The following CENPF variants were observed in gnomAD, a reference collection of about 807,000 sequenced individuals.
The protein encoded by CENPF is AH antigen.
CENPF carries 214 observed loss-of-function variants against 307.3 expected under a neutral mutation model. That is an observed-to-expected ratio of 0.70 (90% CI 0.62 to 0.78). The LOEUF is 0.78. Ranked by LOEUF, CENPF falls within the 30% of genes least tolerant of loss-of-function variation. The pLI, the probability that CENPF is intolerant of heterozygous loss-of-function variation, is 0.00. For synonymous variants in CENPF, 1,259 were observed against 1,270.6 expected, an observed-to-expected ratio of 0.99 and a Z score of 0.19; for missense variants, 3,401 against 3,483.9, an observed-to-expected ratio of 0.98 and a Z score of 0.60.
chr1:214,619,809 C>T (rs1311298773), intron 5 of CENPF, among the ~76,000 whole-genome samples: 1 of 152,118 alleles, frequency 6.6e-6, no homozygotes, highest in Non-Finnish European at 1.5e-5. Context: ...AATTTTTATT[C>T]TTTTCATGAC....
intron 8 of CENPF, among the ~76,000 whole-genome samples, chr1:214,629,438 G>A (rs1028732257): frequency 1.3e-5 from 2 of 152,124 alleles, no homozygotes; most frequent in Non-Finnish European, 2.9e-5. Flanking sequence ...ATATTCAGTA[G>A]GAAAGGATCA....
intron 7 of CENPF, 55 bp from the exon 8 acceptor site, chr1:214,628,991 G>A: frequency 7.5e-7 from 1 of 1,332,040 alleles, no homozygotes; most frequent in African/African-American, 1.5e-5. Flanking sequence ...CAAAATATTT[G>A]TTCATTTATG....
rs200151949 is a variant in CENPF at position 214,642,686 on chromosome 1, T to A, written c.4348T>A (p.Ser1450Thr). 2.5e-4 allele frequency: 396 copies of A among 1,614,038 alleles called. No individual in the cohort carries two copies. Among genetic ancestry groups the A allele is most frequent in the Non-Finnish European group, 3.1e-4 (360 of 1,180,042 alleles). ...DSLKAENLVL[S>T]TNLRNFQGDL... ...ATTAAAGGCCGAAAATTTGGTCTTG[T>A]CAACGAATCTGAGAAACTTTCAAGG... Residue 1450 changes from serine (S) to threonine (T), a missense_variant, in exon 12 of 20, where the codon TCA becomes ACA. Transcript: ENST00000366955.
At chr1:214,620,589 C>A in intron 5 of CENPF, 66 bp from the exon 6 acceptor site, 1 of 1,463,366 alleles carries the variant, frequency 6.8e-7, no homozygotes. Context: ...TATATTCTAT[C>A]TGAAAATAAA....
In CENPF at chr1:214,645,704, A is replaced by C. The variant is rs1238222163; in HGVS notation, c.6134A>C (p.Gln2045Pro). 3 of 1,614,232 alleles carry C rather than the reference A, an allele frequency of 1.9e-6. No individual in the cohort carries two copies. The East Asian group carries it at 6.7e-5, about 36-fold the overall frequency. The change falls in exon 13 of 20, where the codon CAG (glutamine) becomes CCG (proline). Residue 2045 changes from glutamine to proline, a missense_variant. By Grantham distance (76) the Gln-to-Pro change is moderately conservative. Transcript: ENST00000366955. ...CTGCAGAGTTTGGAAAAGGACTCACAGGCACTGTCTTTGACAAAATGTGAG... is the reference window on the plus strand; with the variant it reads ...CTGCAGAGTTTGGAAAAGGACTCACCGGCACTGTCTTTGACAAAATGTGAG... ...EKLQSLEKDS[Q>P]ALSLTKCELE...
chr1:214,654,656 C>CT (rs1005230059), intron 16 of CENPF, among the ~76,000 whole-genome samples: 67 of 151,050 alleles, frequency 4.4e-4, no homozygotes, highest in African/African-American at 1.1e-3. Flanking sequence ...TTTCATAGCT[C>CT]TTTTTTTTTG....
At position 214,630,699 on chromosome 1, in the gene CENPF, C is replaced by A. The variant is rs781142509; in HGVS notation, c.1323+37C>A. ...GTCTCTCTCTCTCTCCTTAATCATC[C>A]CCTCTTGTTCCTTGTACTTGTTACT... is the stretch of plus-strand genomic sequence containing the variant. On this transcript the variant is annotated intron_variant, in intron 9 of 19. Transcript: ENST00000366955. The A allele has an allele frequency of 6.8e-6, 11 of 1,606,910 alleles. No homozygotes were observed. The South Asian group carries it at 7.8e-5, about 11-fold the overall frequency.
In CENPF at chr1:214,645,327, C is replaced by T; in HGVS notation, c.5757C>T (p.Leu1919=). 6.2e-7 allele frequency: 1 copy of T among 1,614,084 alleles called. No individual in the cohort carries two copies. The highest frequency in any genetic ancestry group is 8.5e-7 in the Non-Finnish European group (1 of 1,180,000). ...AAGCTAGCATTGAGCATGAAGCCCT[C>T]TACCTGGAGGCTGACTTAGAGGTAG... The part of the protein sequence containing the change: ...SEKASIEHEA[L]YLEADLEVVQ... Residue 1919 remains leucine (L), a synonymous_variant, in exon 13 of 20, where the codon CTC becomes CTT. Transcript: ENST00000366955.
intron 9 of CENPF, 44 bp from the exon 10 acceptor site, chr1:214,632,431 AAAAGT>A: frequency 6.3e-7 from 1 of 1,585,828 alleles, no homozygotes; most frequent in Non-Finnish European, 8.6e-7. Context: ...TGATTAATGA[AAAAGT>A]AAAGAACATG....
intron 6 of CENPF, 98 bp from the exon 7 acceptor site, chr1:214,621,981 G>C: frequency 1.0e-6 from 1 of 963,308 alleles, no homozygotes; most frequent in South Asian, 1.8e-5. Context: ...TATTTGTTTC[G>C]TCAAAGATTT....
At position 214,645,026 on chromosome 1, in the gene CENPF, T is replaced by TGACCAAAATTGAAGCATGCATA; in HGVS notation, c.5459_5480dup (p.Glu1827AspfsTer4). 2.5e-6 allele frequency: 4 copies of TGACCAAAATTGAAGCATGCATA among 1,613,744 alleles called. No homozygotes were observed. Among genetic ancestry groups the TGACCAAAATTGAAGCATGCATA allele is most frequent in the Non-Finnish European group, 3.4e-6 (4 of 1,179,950 alleles). ...CTCCATTTACAGGAGGTACAACTAA[T>TGACCAAAATTGAAGCATGCATA]GACCAAAATTGAAGCATGCATAGAA... On this transcript the variant is annotated frameshift_variant, in exon 13 of 20. Coordinates refer to ENST00000366955, the MANE Select transcript of CENPF (RefSeq NM_016343.4). LOFTEE classifies it high-confidence loss of function.
Position 214,640,418 on chromosome 1 carries a change from G to T in CENPF, c.2080G>T (p.Glu694Ter). The T allele has an allele frequency of 1.2e-6, 2 of 1,614,058 alleles. No homozygotes were observed. The highest frequency in any genetic ancestry group is 1.7e-6 in the Non-Finnish European group (2 of 1,179,992). The stretch of plus-strand genomic sequence containing the variant: ...GTTAGACAGTAAGTCAGTGGAGGTA[G>T]AGACCCAGAAACTAGCTTATATGGA... ...NVLDSKSVEV[E>*]TQKLAYMELQ... Residue 694 changes from glutamate (E) to a stop codon, truncating the protein, a stop_gained, in exon 12 of 20, where the codon GAG becomes TAG. Coordinates refer to ENST00000366955, the MANE Select transcript of CENPF (RefSeq NM_016343.4). LOFTEE classifies it high-confidence loss of function.
intron 14 of CENPF, 105 bp from the exon 15 acceptor site, chr1:214,651,605 C>G: frequency 1.3e-6 from 1 of 764,656 alleles, no homozygotes. Flanking sequence ...TTTATCTTGC[C>G]CATAAATATT....
rs1658529910 is a variant in CENPF, at chr1:214,652,967, T to C, written c.8300T>C (p.Leu2767Ser). ...TCATTGAAAGCTACTACTCAGATTT[T>C]GGAAGAATTGAAGAAAACCAAGGTA... Reference protein sequence around the residue: ...NNSLKATTQILEELKKTKMDN... With the variant: ...NNSLKATTQISEELKKTKMDN... The change falls in exon 16 of 20, where the codon TTG becomes TCG. Residue 2767 changes from leucine (L) to serine (S), a missense_variant. By Grantham distance (145) the Leu-to-Ser change is moderately radical (BLOSUM62 -2). Transcript: ENST00000366955. 1.9e-6 allele frequency: 3 copies of C among 1,605,004 alleles called. No individual in the cohort carries two copies. The highest frequency in any genetic ancestry group is 2.5e-6 in the Non-Finnish European group (3 of 1,177,432).
intron 1 of CENPF, among the ~76,000 whole-genome samples, chr1:214,609,320 C>G (rs982807976): frequency 6.6e-6 from 1 of 152,190 alleles, no homozygotes. Context: ...ACGGCATTCA[C>G]TCTTCATTCA....
At position 214,637,936 on chromosome 1, in the gene CENPF, A is replaced by G. The variant is rs140375946; in HGVS notation, c.1517A>G (p.Glu506Gly). The change falls in exon 11 of 20, where the codon GAG becomes GGG. Residue 506 changes from glutamate (E) to glycine (G), a missense_variant. Transcript: ENST00000366955. ...EQKAREVCHLEAELKNIKQCL... is the reference protein window; with the variant it reads ...EQKAREVCHLGAELKNIKQCL... ...AAGGCCAGAGAAGTCTGCCACCTGG[A>G]GGCAGAACTCAAGAACATCAAACAG... 6.8e-6 allele frequency: 11 copies of G among 1,613,374 alleles called. No individual in the cohort carries two copies. Among genetic ancestry groups the G allele is most frequent in the Non-Finnish European group, 9.3e-6 (11 of 1,179,728 alleles).
rs1373732185 is a variant in CENPF, at chr1:214,664,178, T to A, written c.*384T>A. 3.0e-5 allele frequency: 5 copies of A among 164,530 alleles called. 1 individual carries two copies. The allele number at this position is 164,530 out of a possible 1,614,324, so 10.2% of individuals were successfully genotyped here. A position where few individuals can be genotyped will look rare whatever the true frequency, so the allele number is the denominator to read the frequency against. On this transcript the variant is annotated 3_prime_UTR_variant, in exon 20 of 20. Coordinates refer to ENST00000366955, the MANE Select transcript of CENPF (RefSeq NM_016343.4). The stretch of plus-strand genomic sequence containing the variant: ...TAACAGCTCCTAGGAAAATGTAGAC[T>A]TTTGCTTTATGATATTCTATCTGTA...
At position 214,645,020 on chromosome 1, in the gene CENPF, A is replaced by G. The variant is rs369331042; in HGVS notation, c.5450A>G (p.Gln1817Arg). Residue 1817 changes from glutamine to arginine, a missense_variant, in exon 13 of 20, where the codon CAA (glutamine) becomes CGA (arginine). Gln to Arg is a conservative substitution (Grantham distance 43, BLOSUM62 1). Coordinates refer to ENST00000366955, the MANE Select transcript of CENPF (RefSeq NM_016343.4). ...TCAAAACTCCATTTACAGGAGGTAC[A>G]ACTAATGACCAAAATTGAAGCATGC... Reference protein sequence around the residue: ...LDSKLHLQEVQLMTKIEACIE... With the variant: ...LDSKLHLQEVRLMTKIEACIE... The G allele has an allele frequency of 9.9e-6, 16 of 1,613,756 alleles. No homozygotes were observed. Among genetic ancestry groups the G allele is most frequent in the African/African-American group, 1.3e-5 (1 of 74,906 alleles).
At position 214,642,740 on chromosome 1, in the gene CENPF, T is replaced by G; in HGVS notation, c.4402T>G (p.Leu1468Val). Reference sequence around the variant, plus strand: ...CTTGGTGAAGGAGATGCAGCTGGGCTTGGAGGAGGGGCTCGTTCCATCCCT... The same window carrying G: ...CTTGGTGAAGGAGATGCAGCTGGGCGTGGAGGAGGGGCTCGTTCCATCCCT... ...GDLVKEMQLGLEEGLVPSLSS... is the reference protein window; with the variant it reads ...GDLVKEMQLGVEEGLVPSLSS... Residue 1468 changes from leucine (L) to valine (V), a missense_variant, in exon 12 of 20, where the codon TTG becomes GTG. Transcript: ENST00000366955. 6.2e-7 allele frequency: 1 copy of G among 1,614,144 alleles called. No individual in the cohort carries two copies. The highest frequency in any genetic ancestry group is 8.5e-7 in the Non-Finnish European group (1 of 1,180,028).
Sources: allele counts gnomAD v4.1 joint callset (sites outside exome capture counted in the v4.1 genomes callset), GRCh38; gene constraint gnomAD v4.1.1; transcripts MANE v1.5; gene names NCBI Gene and HGNC (gene_info 2026-07-23, HGNC 2026-07-21).